The following TMEM212 variants were observed in gnomAD, a reference collection of about 807,000 sequenced individuals.
The protein encoded by TMEM212 is transmembrane protein 212.
In TMEM212, 23 loss-of-function variants were observed where a neutral mutation model predicts 20.5. That is an observed-to-expected ratio of 1.12 (90% CI 0.81 to 1.59). The LOEUF (loss-of-function observed/expected upper bound fraction) is 1.59, where lower values mean the gene tolerates loss of function less well. Ranked by LOEUF, TMEM212 falls within the 40% of genes most tolerant of loss-of-function variation. The pLI, the probability that TMEM212 is intolerant of heterozygous loss-of-function variation, is 0.00. For missense variants in TMEM212, 211 were observed against 215.0 expected, an observed-to-expected ratio of 0.98 and a Z score of 0.12; for synonymous variants, 76 against 81.6, an observed-to-expected ratio of 0.93 and a Z score of 0.37.
At chr3:171,847,215 T>C (rs879635519) in intron 1 of TMEM212, among the ~76,000 whole-genome samples, 38 of 152,218 alleles carry the variant, frequency 2.5e-4, no homozygotes, top group Non-Finnish European at 1.2e-4. Flanking sequence ...CTAGAAAACA[T>C]GGCTTGTAGA....
intron 1 of TMEM212, among the ~76,000 whole-genome samples, chr3:171,846,758 TTA>T (rs1209042420): frequency 4.6e-5 from 7 of 152,148 alleles, no homozygotes; most frequent in African/African-American, 1.7e-4. Flanking sequence ...TGGACGAACG[TTA>T]TGTTTTTTTA....
At chr3:171,849,199 C>A (rs1724911933) in intron 1 of TMEM212, among the ~76,000 whole-genome samples, 1 of 152,126 alleles carries the variant, frequency 6.6e-6, no homozygotes, top group Non-Finnish European at 1.5e-5. Context: ...TGTCACCTCC[C>A]ATTGAAATCA....
intron 1 of TMEM212, among the ~76,000 whole-genome samples, chr3:171,850,223 T>C (rs1033051380): frequency 2.0e-5 from 3 of 152,220 alleles, no homozygotes; most frequent in Admixed American, 2.0e-4. Context: ...ATGGGTGCGC[T>C]AACCTCTTGA....
chr3:171,853,292 T>A (rs1456972363), intron 2 of TMEM212, among the ~76,000 whole-genome samples: 1 of 150,602 alleles, frequency 6.6e-6, no homozygotes, highest in East Asian at 1.9e-4. Context: ...AACCTGCACA[T>A]CTTGCACATG....
At position 171,853,532 on chromosome 3, in the gene TMEM212, AGCTACTT is replaced by A. The variant is rs1282740028; in HGVS notation, c.226_232del (p.Ala76SerfsTer4). 25 of 1,532,558 alleles carry A rather than the reference AGCTACTT, an allele frequency of 1.6e-5. No homozygotes were observed. Among genetic ancestry groups the A allele is most frequent in the Non-Finnish European group, 2.2e-5 (25 of 1,144,008 alleles). The allele number at this position is 1,532,558 out of a possible 1,614,324, so 94.9% of individuals were successfully genotyped here. ...TATTTTTGCTTTATTTTCAGGGGGA[AGCTACTT>A]TCACCTTTGTGATTCTGAGCATTAT... On this transcript the variant is annotated frameshift_variant, in exon 3 of 5. Coordinates refer to ENST00000334567, the MANE Select transcript of TMEM212 (RefSeq NM_001164436.2). LOFTEE classifies it high-confidence loss of function.
chr3:171,847,670 G>C (rs918485366), intron 1 of TMEM212, among the ~76,000 whole-genome samples: 2 of 152,194 alleles, frequency 1.3e-5, no homozygotes, highest in Non-Finnish European at 2.9e-5. Flanking sequence ...AAGGGTAAAA[G>C]TCGGTGGATG....
intron 1 of TMEM212, among the ~76,000 whole-genome samples, chr3:171,848,665 A>T (rs538983569): frequency 6.6e-5 from 10 of 152,168 alleles, no homozygotes; most frequent in African/African-American, 2.4e-4. Context: ...AATGGAATAG[A>T]TAATATTAGA....
chr3:171,846,753 G>A (rs370724761), intron 1 of TMEM212, among the ~76,000 whole-genome samples: 11 of 152,140 alleles, frequency 7.2e-5, no homozygotes, highest in Admixed American at 4.6e-4. Context: ...AAATTTGGAC[G>A]AACGTTATGT....
chr3:171,853,850 CG>C lies in TMEM212; in HGVS notation c.543+1del. On this transcript the variant is annotated splice_donor_variant, in intron 3 of 4. Transcript: ENST00000334567. LOFTEE classifies it high-confidence loss of function. The stretch of plus-strand genomic sequence containing the variant: ...GACTTATCCAGAATGGACACATAAA[CG>C]TAAGTTTCAACAAAGGGGAGGCAGG... The C allele has an allele frequency of 2.0e-6, 3 of 1,531,218 alleles. No individual in the cohort carries two copies. The highest frequency in any genetic ancestry group is 1.8e-6 in the Non-Finnish European group (2 of 1,142,768). The allele number at this position is 1,531,218 out of a possible 1,614,324, so 94.9% of individuals were successfully genotyped here. A position where few individuals can be genotyped will look rare whatever the true frequency, so the allele number is the denominator to read the frequency against.
chr3:171,843,419 T>G lies in TMEM212; in HGVS notation c.36T>G (p.Leu12=). Residue 12 remains leucine, a synonymous_variant, in exon 1 of 5, where the codon CTT becomes CTG. Transcript: ENST00000334567. ...TCTACCAGGCTGCTGGCCGGATTCT[T>G]GTTACTCTGGGGATCCTCAGTGTAT... ...KGLYQAAGRI[L]VTLGILSVCS... 1 of 1,536,764 alleles carries G rather than the reference T, an allele frequency of 6.5e-7. No homozygotes were observed. The highest frequency in any genetic ancestry group is 1.2e-5 in the South Asian group (1 of 83,968).
In TMEM212 at chr3:171,852,039, C is replaced by T; in HGVS notation, c.217C>T (p.Leu73=). 6.5e-7 allele frequency: 1 copy of T among 1,536,654 alleles called. No individual in the cohort carries two copies. Among genetic ancestry groups the T allele is most frequent in the South Asian group, 1.2e-5 (1 of 84,060 alleles). ...TTACAGAGAGTGGACCCAGAGGTAC[C>T]TGGTAAATATACCGATGCCAAGTAG... ...LAYREWTQRY[L]GEATFTFVIL... is the part of the protein sequence containing the mutation. Residue 73 remains leucine (L), a splice_region_variant and synonymous_variant, in exon 2 of 5, where the codon CTG becomes TTG. Transcript: ENST00000334567.
chr3:171,849,659 T>G lies in TMEM212; in HGVS notation c.160-2323T>G, dbSNP rs1402407075. On this transcript the variant is annotated intron_variant, in intron 1 of 4. Coordinates refer to ENST00000334567, the MANE Select transcript of TMEM212 (RefSeq NM_001164436.2). ...TAACAGATGCTTGTAAGTGAATAAA[T>G]TAACCATATTAATATGATACCTCTT... Among the ~76,000 whole-genome samples, 3 of 152,214 alleles carry G rather than the reference T, an allele frequency of 2.0e-5. No homozygotes were observed. The East Asian group carries it at 5.8e-4, about 29-fold the overall frequency.
rs1448519986 is a variant in TMEM212 at position 171,858,851 on chromosome 3, G to GT, written c.*795dup. 12 of 152,118 alleles carry GT rather than the reference G, an allele frequency of 7.9e-5. No individual in the cohort carries two copies. The highest frequency in any genetic ancestry group is 7.9e-4 in the Admixed American group (12 of 15,248). 9.4% of individuals were successfully genotyped at this position (152,118 alleles called of 1,614,324 possible). A position where few individuals can be genotyped will look rare whatever the true frequency, so the allele number is the denominator to read the frequency against. ...TGCTACTATAAAGACACATGCACACGTATGTTTATTGCGGCACTATTCACA... is the reference window on the plus strand; with the variant it reads ...TGCTACTATAAAGACACATGCACACGTTATGTTTATTGCGGCACTATTCACA... On this transcript the variant is annotated 3_prime_UTR_variant, in exon 5 of 5. Transcript: ENST00000334567.
intron 1 of TMEM212, among the ~76,000 whole-genome samples, chr3:171,846,842 A>G (rs1724845684): frequency 6.6e-6 from 1 of 152,192 alleles, no homozygotes; most frequent in African/African-American, 2.4e-5. Flanking sequence ...GACTCATTCC[A>G]CAACCTCCCT....
Position 171,853,851 on chromosome 3 carries a change from G to C in TMEM212, c.543+1G>C, listed in dbSNP as rs563902906. ...ACTTATCCAGAATGGACACATAAACGTAAGTTTCAACAAAGGGGAGGCAGG... is the reference window on the plus strand; with the variant it reads ...ACTTATCCAGAATGGACACATAAACCTAAGTTTCAACAAAGGGGAGGCAGG... On this transcript the variant is annotated splice_donor_variant, in intron 3 of 4. Coordinates refer to ENST00000334567, the MANE Select transcript of TMEM212 (RefSeq NM_001164436.2). LOFTEE classifies it high-confidence loss of function. 5.9e-6 allele frequency: 9 copies of C among 1,530,572 alleles called. No individual in the cohort carries two copies. The highest frequency in any genetic ancestry group is 7.9e-6 in the Non-Finnish European group (9 of 1,142,440). The allele number at this position is 1,530,572 out of a possible 1,614,324, so 94.8% of individuals were successfully genotyped here. A position where few individuals can be genotyped will look rare whatever the true frequency, so the allele number is the denominator to read the frequency against.
Position 171,855,662 on chromosome 3 carries a change from G to A in TMEM212, c.544-1001G>A, listed in dbSNP as rs139283451. ...CACATAAAAGCATACAGATATAATAGGCATGCAGAATAAAAGTGCCCATTG... is the reference window on the plus strand; with the variant it reads ...CACATAAAAGCATACAGATATAATAAGCATGCAGAATAAAAGTGCCCATTG... On this transcript the variant is annotated intron_variant, in intron 3 of 4. Transcript: ENST00000334567. Among the ~76,000 whole-genome samples, 347 of 152,146 alleles carry A rather than the reference G, an allele frequency of 2.3e-3. 6 individuals carry two copies. The highest frequency in any genetic ancestry group is 7.3e-3 in the African/African-American group (303 of 41,508).
chr3:171,852,436 G>A (rs1361398988), intron 2 of TMEM212, among the ~76,000 whole-genome samples: 2 of 152,126 alleles, frequency 1.3e-5, no homozygotes, highest in African/African-American at 2.4e-5. Context: ...CCTGACCTCA[G>A]GTGATCCACC....
chr3:171,856,334 G>A (rs2108383041), intron 3 of TMEM212, among the ~76,000 whole-genome samples: 1 of 152,318 alleles, frequency 6.6e-6, no homozygotes, highest in Middle Eastern at 3.4e-3. Flanking sequence ...CAAATGCATA[G>A]GAGGTTATTC....
Position 171,856,725 on chromosome 3 carries a change from T to C in TMEM212, c.*3+18T>C, listed in dbSNP as rs772352142. 3 of 666,316 alleles carry C rather than the reference T, an allele frequency of 4.5e-6. No homozygotes were observed. Among genetic ancestry groups the C allele is most frequent in the African/African-American group, 3.6e-5 (2 of 55,420 alleles). The allele number at this position is 666,316 out of a possible 1,614,324, so 41.3% of individuals were successfully genotyped here. On this transcript the variant is annotated intron_variant, in intron 4 of 4. Coordinates refer to ENST00000334567, the MANE Select transcript of TMEM212 (RefSeq NM_001164436.2). ...CATAAAAGGTAAAATGGTCTGGGGA[T>C]AGAAAAGGCCTGGGACCAGAATATA... is the stretch of plus-strand genomic sequence containing the variant.
Sources: allele counts gnomAD v4.1 joint callset (sites outside exome capture counted in the v4.1 genomes callset), GRCh38; gene constraint gnomAD v4.1.1; transcripts MANE v1.5; gene names NCBI Gene and HGNC (gene_info 2026-07-23, HGNC 2026-07-21).